Variants in NR4A2 observed in about 807,000 individuals in gnomAD.
NR4A2 encodes the protein nuclear receptor subfamily 4 group A member 2, also known as NGFI-B/nur77 beta-type transcription factor homolog.
A neutral mutation model predicts 50.5 loss-of-function variants in NR4A2; 1 was observed. That is an observed-to-expected ratio of 0.02 (90% CI 0.01 to 0.09). NR4A2 has a LOEUF of 0.09. NR4A2 is among the 10% of genes least tolerant of loss of function. The pLI, the probability that NR4A2 is intolerant of heterozygous loss-of-function variation, is 1.00. For synonymous variants in NR4A2, 328 were observed against 309.4 expected (o/e 1.06, Z -0.63); for missense variants, 613 against 777.3 (o/e 0.79, Z 2.51).
In NR4A2 at chr2:156,332,587, G is replaced by C. The variant is rs1686982829; in HGVS notation, c.-234C>G. 2 of 993,396 alleles carry C rather than the reference G, an allele frequency of 2.0e-6. No homozygotes were observed. The highest frequency in any genetic ancestry group is 3.3e-5 in the African/African-American group (2 of 60,100). 61.5% of individuals were successfully genotyped at this position (993,396 alleles called of 1,614,324 possible). On this transcript the variant is annotated 5_prime_UTR_variant, in exon 1 of 8. Transcript: ENST00000339562. ...GTAGGGGTGGGAGAGCTGGGCGAAG[G>C]GAACCCGGACACCTCACGGAGGGAG...
At chr2:156,332,408 T>A (rs1016197278) in intron 1 of NR4A2, 72 bp downstream of exon 1, 1 of 1,208,712 alleles carries the variant, frequency 8.3e-7, no homozygotes, top group Non-Finnish European at 1.1e-6. Context: ...CCCACACAAG[T>A]GGAAAGAAGA....
intron 1 of NR4A2, chr2:156,332,109 T>A: frequency 5.1e-6 from 1 of 196,648 alleles, no homozygotes; most frequent in Non-Finnish European, 1.1e-5. Context: ...GCAGCTTCCC[T>A]CGTATACATA....
At chr2:156,327,518 G>A (rs1686704368) in intron 5 of NR4A2, among the ~76,000 whole-genome samples, 1 of 152,108 alleles carries the variant, frequency 6.6e-6, no homozygotes, top group Admixed American at 6.5e-5. Context: ...AAGGGGGAGA[G>A]TTTGCACAGC....
chr2:156,328,148 T>C lies in NR4A2; in HGVS notation c.995-134A>G. On this transcript the variant is annotated intron_variant, in intron 4 of 7. Coordinates refer to ENST00000339562, the MANE Select transcript of NR4A2 (RefSeq NM_006186.4). This position sits in a 1 kb window ranked among gnomAD's most constrained non-coding sequence, Gnocchi z 4.9. ...TGAGGGCCCCAGTGCTTGTAAAGCC[T>C]TCACTGACTAGAAGCATTAAAAAAT... The C allele has an allele frequency of 8.2e-7, 1 of 1,222,740 alleles. No homozygotes were observed. Among genetic ancestry groups the C allele is most frequent in the South Asian group, 1.3e-5 (1 of 75,578 alleles). 75.7% of individuals were successfully genotyped at this position (1,222,740 alleles called of 1,614,324 possible).
intron 2 of NR4A2, 110 bp from the exon 3 acceptor site, chr2:156,330,298 T>G (rs1400209537): frequency 3.8e-6 from 5 of 1,300,906 alleles, no homozygotes; most frequent in Non-Finnish European, 5.4e-6. Context: ...TCAGAGAGCA[T>G]GTAGGGGCGC....
At position 156,329,726 on chromosome 2, in the gene NR4A2, T is replaced by C. The variant is rs1175125540; in HGVS notation, c.461A>G (p.Gln154Arg). 10 of 1,613,904 alleles carry C rather than the reference T, an allele frequency of 6.2e-6. No individual in the cohort carries two copies. The highest frequency in any genetic ancestry group is 8.5e-6 in the Non-Finnish European group (10 of 1,179,928). Reference protein sequence around the residue: ...DDPGSLHNFHQNYVATTHMIE... With the variant: ...DDPGSLHNFHRNYVATTHMIE... ...CATGTGCGTAGTGGCCACGTAGTTC[T>C]GGTGGAAGTTGTGGAGAGATCCCGG... The change falls in exon 3 of 8, where the codon CAG becomes CGG. Residue 154 changes from glutamine (Q) to arginine (R), a missense_variant. Gln to Arg is a conservative substitution (Grantham distance 43). Transcript: ENST00000339562. This position sits in a 1 kb window ranked among gnomAD's most constrained non-coding sequence, Gnocchi z 7.5.
chr2:156,327,875 A>T lies in NR4A2; in HGVS notation c.1134T>A (p.Ala378=). ...CCCTGGAATAGTCCAGGCTGGTCATAGCCGGGTTGGAGTCGACATGGGCCC... is the reference window on the plus strand; with the variant it reads ...CCCTGGAATAGTCCAGGCTGGTCATTGCCGGGTTGGAGTCGACATGGGCCC... ...LVRAHVDSNP[A]MTSLDYSRFQ... The change falls in exon 5 of 8, where the codon GCT becomes GCA. Residue 378 remains alanine, a synonymous_variant. Coordinates refer to ENST00000339562, the MANE Select transcript of NR4A2 (RefSeq NM_006186.4). 1 of 1,589,526 alleles carries T rather than the reference A, an allele frequency of 6.3e-7. No individual in the cohort carries two copies. The highest frequency in any genetic ancestry group is 8.6e-7 in the Non-Finnish European group (1 of 1,167,112).
Position 156,328,482 on chromosome 2 carries a change from G to A in NR4A2, c.916C>T (p.Pro306Ser). 1 of 1,614,174 alleles carries A rather than the reference G, an allele frequency of 6.2e-7. No individual in the cohort carries two copies. The highest frequency in any genetic ancestry group is 8.5e-7 in the Non-Finnish European group (1 of 1,180,038). Reference sequence around the variant, plus strand: ...CGATTCCGGCGACGCTTGTCCACTGGGCAGTTTTTATTTGCTAAACACACG... The same window carrying A: ...CGATTCCGGCGACGCTTGTCCACTGAGCAGTTTTTATTTGCTAAACACACG... ...KYVCLANKNCPVDKRRRNRCQ... is the reference protein window; with the variant it reads ...KYVCLANKNCSVDKRRRNRCQ... Residue 306 changes from proline (P) to serine (S), a missense_variant, in exon 4 of 8, where the codon CCA (proline) becomes TCA (serine). Physicochemically the swap from Pro to Ser is moderately conservative, Grantham distance 74. Around this residue, in one of 4 missense-constraint regions of NR4A2, gnomAD observed 27 missense variants for 120.7 expected, o/e 0.22. Coordinates refer to ENST00000339562, the MANE Select transcript of NR4A2 (RefSeq NM_006186.4). This position sits in a 1 kb window ranked among gnomAD's most constrained non-coding sequence, Gnocchi z 4.9.
At position 156,329,734 on chromosome 2, in the gene NR4A2, G is replaced by C; in HGVS notation, c.453C>G (p.Asn151Lys). 1 of 1,614,048 alleles carries C rather than the reference G, an allele frequency of 6.2e-7. No homozygotes were observed. The highest frequency in any genetic ancestry group is 8.5e-7 in the Non-Finnish European group (1 of 1,179,914). ...TAGTGGCCACGTAGTTCTGGTGGAAGTTGTGGAGAGATCCCGGGTCGTCCC... is the reference window on the plus strand; with the variant it reads ...TAGTGGCCACGTAGTTCTGGTGGAACTTGTGGAGAGATCCCGGGTCGTCCC... ...PMWDDPGSLH[N>K]FHQNYVATTH... The change falls in exon 3 of 8, where the codon AAC (asparagine) becomes AAG (lysine). Residue 151 changes from asparagine to lysine, a missense_variant. Coordinates refer to ENST00000339562, the MANE Select transcript of NR4A2 (RefSeq NM_006186.4). The surrounding 1 kb of genome is among the most constrained non-coding windows in gnomAD (Gnocchi z 7.5).
Position 156,326,570 on chromosome 2 carries a change from T to C in NR4A2, c.1361+148A>G, listed in dbSNP as rs1686652457. 9.4e-7 allele frequency: 1 copy of C among 1,062,784 alleles called. No homozygotes were observed. Among genetic ancestry groups the C allele is most frequent in the Non-Finnish European group, 1.4e-6 (1 of 716,208 alleles). The allele number at this position is 1,062,784 out of a possible 1,614,324, so 65.8% of individuals were successfully genotyped here. On this transcript the variant is annotated intron_variant, in intron 6 of 7. Coordinates refer to ENST00000339562, the MANE Select transcript of NR4A2 (RefSeq NM_006186.4). The surrounding 1 kb of genome is among the most constrained non-coding windows in gnomAD (Gnocchi z 4.2). ...CTCGCTTCTTCTCGTCTTTTTTTGTTTTCTTTCTTTTTCTTCCTTTCTCCG... is the reference window on the plus strand; with the variant it reads ...CTCGCTTCTTCTCGTCTTTTTTTGTCTTCTTTCTTTTTCTTCCTTTCTCCG...
chr2:156,325,954 G>A lies in NR4A2; in HGVS notation c.1587C>T (p.Asn529=), dbSNP rs1686624275. 2 of 1,614,142 alleles carry A rather than the reference G, an allele frequency of 1.2e-6. No homozygotes were observed. Among genetic ancestry groups the A allele is most frequent in the Non-Finnish European group, 1.7e-6 (2 of 1,180,016 alleles). ...GGTCTTTGAGACAATTTACAATCTT[G>A]TTTTGCAGTTCTTCCACTCTCTTGG... is the stretch of plus-strand genomic sequence containing the variant. ...KEPKRVEELQ[N]KIVNCLKDHV... The change falls in exon 8 of 8, where the codon AAC becomes AAT. Residue 529 remains asparagine (N), a synonymous_variant. Coordinates refer to ENST00000339562, the MANE Select transcript of NR4A2 (RefSeq NM_006186.4).
rs3832066 is a variant in NR4A2 at position 156,325,324 on chromosome 2, CTG to C, written c.*418_*419del. On this transcript the variant is annotated 3_prime_UTR_variant, in exon 8 of 8. Coordinates refer to ENST00000339562, the MANE Select transcript of NR4A2 (RefSeq NM_006186.4). ...TTGTGGGTCCCCTTAAGATGTGTCTCTGTGTGTGTGTGTGTGTGTGTATGTGT... is the reference window on the plus strand; with the variant it reads ...TTGTGGGTCCCCTTAAGATGTGTCTCTGTGTGTGTGTGTGTGTGTATGTGT... 95,415 of 216,878 alleles carry C rather than the reference CTG, an allele frequency of 0.44. 18,725 individuals are homozygous for C. The highest frequency in any genetic ancestry group is 0.52 in the Non-Finnish European group (55,138 of 106,610). The allele number at this position is 216,878 out of a possible 1,614,324, so 13.4% of individuals were successfully genotyped here.
chr2:156,327,273 G>C (rs1444175760), intron 5 of NR4A2, among the ~76,000 whole-genome samples: 1 of 152,126 alleles, frequency 6.6e-6, no homozygotes, highest in Non-Finnish European at 1.5e-5. Context: ...TAAAATTGCA[G>C]TCCCTACCAG....
rs1170266622 is a variant in NR4A2, at chr2:156,329,230, G to T, written c.864+93C>A. 17 of 1,518,258 alleles carry T rather than the reference G, an allele frequency of 1.1e-5. No homozygotes were observed. The Admixed American group carries it at 3.1e-4, about 28-fold the overall frequency. 94.0% of individuals were successfully genotyped at this position (1,518,258 alleles called of 1,614,324 possible). ...GCTGGGCAGTCCCGGGAGAGCTGGG[G>T]CTGGGCTACTGGCACCAAGGCAGAG... On this transcript the variant is annotated intron_variant, in intron 3 of 7. Transcript: ENST00000339562. The surrounding 1 kb of genome is among the most constrained non-coding windows in gnomAD (Gnocchi z 7.5).
In NR4A2 at chr2:156,327,959, C is replaced by T; in HGVS notation, c.1050G>A (p.Lys350=). ...AAGGGGGAGAGGGCTCCTGTGGGCT[C>T]TTCGGTTTCGAGGGCAAACGACCTC... The part of the protein sequence containing the change: ...GRRGRLPSKP[K]SPQEPSPPSP... Residue 350 remains lysine, a synonymous_variant, in exon 5 of 8, where the codon AAG becomes AAA. Transcript: ENST00000339562. 1 of 1,600,702 alleles carries T rather than the reference C, an allele frequency of 6.2e-7. No individual in the cohort carries two copies. The highest frequency in any genetic ancestry group is 8.5e-7 in the Non-Finnish European group (1 of 1,172,710).
chr2:156,329,250 G>A lies in NR4A2; in HGVS notation c.864+73C>T. On this transcript the variant is annotated intron_variant, in intron 3 of 7. Coordinates refer to ENST00000339562, the MANE Select transcript of NR4A2 (RefSeq NM_006186.4). The surrounding 1 kb of genome is among the most constrained non-coding windows in gnomAD (Gnocchi z 7.5). ...CTGGGGCTGGGCTACTGGCACCAAG[G>A]CAGAGGGCACACTCCGAGGTCCCGG... is the stretch of plus-strand genomic sequence containing the variant. 1 of 1,553,898 alleles carries A rather than the reference G, an allele frequency of 6.4e-7. No homozygotes were observed. Among genetic ancestry groups the A allele is most frequent in the Non-Finnish European group, 8.7e-7 (1 of 1,147,298 alleles).
chr2:156,328,017 G>A lies in NR4A2; in HGVS notation c.995-3C>T, dbSNP rs1315331032. On this transcript the variant is annotated splice_region_variant and splice_polypyrimidine_tract_variant and intron_variant, in intron 4 of 7. Coordinates refer to ENST00000339562, the MANE Select transcript of NR4A2 (RefSeq NM_006186.4). The surrounding 1 kb of genome is among the most constrained non-coding windows in gnomAD (Gnocchi z 4.9). The stretch of plus-strand genomic sequence containing the variant: ...TTTTAAACTGTCTGTGCGAACCACT[G>A]CAAAGGAAGAGCCCTGTTAGCGCCG... The A allele has an allele frequency of 6.2e-7, 1 of 1,604,416 alleles. No individual in the cohort carries two copies. Among genetic ancestry groups the A allele is most frequent in the East Asian group, 2.2e-5 (1 of 44,716 alleles).
In NR4A2 at chr2:156,329,682, G is replaced by C. The variant is rs751643950; in HGVS notation, c.505C>G (p.Pro169Ala). The C allele has an allele frequency of 1.2e-6, 2 of 1,614,034 alleles. No homozygotes were observed. Among genetic ancestry groups the C allele is most frequent in the Non-Finnish European group, 1.7e-6 (2 of 1,179,928 alleles). ...TTHMIEQRKT[P>A]VSRLSLFSFK... ...GAGAAGAGGGAGAGGCGGGAGACTGGCGTTTTCCTCTGCTCGATCATGTGC... is the reference window on the plus strand; with the variant it reads ...GAGAAGAGGGAGAGGCGGGAGACTGCCGTTTTCCTCTGCTCGATCATGTGC... Residue 169 changes from proline to alanine, a missense_variant, in exon 3 of 8, where the codon CCA (proline) becomes GCA (alanine). Pro to Ala is a conservative substitution (Grantham distance 27). Transcript: ENST00000339562. This position sits in a 1 kb window ranked among gnomAD's most constrained non-coding sequence, Gnocchi z 7.5.
In NR4A2 at chr2:156,332,554, G is replaced by A. The variant is rs1389170350; in HGVS notation, c.-201C>T. 1 of 1,280,136 alleles carries A rather than the reference G, an allele frequency of 7.8e-7. No individual in the cohort carries two copies. The highest frequency in any genetic ancestry group is 1.5e-5 in the African/African-American group (1 of 65,852). The allele number at this position is 1,280,136 out of a possible 1,614,324, so 79.3% of individuals were successfully genotyped here. On this transcript the variant is annotated 5_prime_UTR_variant, in exon 1 of 8. Coordinates refer to ENST00000339562, the MANE Select transcript of NR4A2 (RefSeq NM_006186.4). ...AGTTCCCTCTGGGAGCCCGGGCGCC[G>A]GGGTCGGGTAGGGGTGGGAGAGCTG...
Sources: allele counts gnomAD v4.1 joint callset (sites outside exome capture counted in the v4.1 genomes callset), GRCh38; gene constraint gnomAD v4.1.1; regional missense constraint gnomAD v4.1.1; non-coding constraint Gnocchi (gnomAD v3.1); transcripts MANE v1.5; gene names NCBI Gene and HGNC (gene_info 2026-07-23, HGNC 2026-07-21).